METTL21C: variants seen among roughly 807,000 people sequenced by gnomAD.
METTL21C encodes protein-lysine methyltransferase METTL21C.
Under a neutral mutation model 25.9 loss-of-function variants are expected in METTL21C, and 21 were observed. The observed-to-expected ratio is 0.81, with a 90% CI of 0.58 to 1.17. The LOEUF (loss-of-function observed/expected upper bound fraction) is 1.17. Among genes scored for constraint, METTL21C ranks in the 50% most tolerant of loss-of-function variants. The pLI is 0.00. For missense variants in METTL21C, 312 were observed against 315.1 expected (o/e 0.99, Z 0.07); for synonymous variants, 125 against 124.7 (o/e 1.00, Z -0.01).
intron 1 of METTL21C, among the ~76,000 whole-genome samples, chr13:102,692,483 A>G (rs752989804): frequency 3.9e-5 from 6 of 152,156 alleles, no homozygotes; most frequent in Non-Finnish European, 8.8e-5. Flanking sequence ...CGGAGCTTGT[A>G]TTTTATATGT....
chr13:102,687,179 A>G (rs1885698343), intron 2 of METTL21C, 122 bp from the exon 3 acceptor site: 2 of 713,694 alleles, frequency 2.8e-6, no homozygotes, highest in Admixed American at 2.2e-5. Context: ...GTTTATATTC[A>G]TAAGAACCCA....
chr13:102,686,642 T>G (rs1165074628), intron 3 of METTL21C, among the ~76,000 whole-genome samples: 1 of 152,188 alleles, frequency 6.6e-6, no homozygotes, highest in Non-Finnish European at 1.5e-5. Flanking sequence ...TCCAACCACC[T>G]GATGTCAGTA....
In METTL21C at chr13:102,692,023, G is replaced by C. The variant is rs147971242; in HGVS notation, c.131-1059C>G. Among the ~76,000 whole-genome samples the C allele has an allele frequency of 5.3e-5, 8 of 152,262 alleles. No individual in the cohort carries two copies. In the East Asian group the frequency reaches 1.4e-3, roughly 26 times the overall value. On this transcript the variant is annotated intron_variant, in intron 1 of 3. Coordinates refer to ENST00000267273, the MANE Select transcript of METTL21C (RefSeq NM_001010977.3). ...GAAAAGGTGTTGGTCCCAGCGGGTG[G>C]GAAAGAATTAACAGTGCGGAGAGTA...
intron 1 of METTL21C, among the ~76,000 whole-genome samples, chr13:102,692,586 A>G (rs1885858883): frequency 6.6e-6 from 1 of 152,222 alleles, no homozygotes; most frequent in Non-Finnish European, 1.5e-5. Context: ...AAAAATGTGA[A>G]TGAAGTGACT....
At chr13:102,696,635 G>A (rs1253014208), upstream of METTL21C, among the ~76,000 whole-genome samples, 2 of 152,100 alleles carry the variant, frequency 1.3e-5, no homozygotes, top group Non-Finnish European at 2.9e-5. Context: ...CTAGACCACG[G>A]TAGATCAAAG....
the METTL21C span, among the ~76,000 whole-genome samples, chr13:102,700,360 G>A: frequency 1.3e-5 from 2 of 152,052 alleles, no homozygotes; most frequent in Non-Finnish European, 2.9e-5. Flanking sequence ...TTAGTTGTTC[G>A]CTTCTATTTT....
intron 1 of METTL21C, among the ~76,000 whole-genome samples, chr13:102,691,169 T>C (rs1033591454): frequency 5.3e-5 from 8 of 152,170 alleles, no homozygotes; most frequent in Non-Finnish European, 1.5e-5. Flanking sequence ...TGTGACAGTT[T>C]TATCAGATGA....
chr13:102,687,994 G>C (rs1885719369), intron 2 of METTL21C, among the ~76,000 whole-genome samples: 1 of 152,162 alleles, frequency 6.6e-6, no homozygotes, highest in African/African-American at 2.4e-5. Context: ...TGATTGGAGA[G>C]ATTAGGAAGA....
the METTL21C span, among the ~76,000 whole-genome samples, chr13:102,702,854 G>T: frequency 1.5e-4 from 23 of 152,238 alleles, no homozygotes; most frequent in African/African-American, 5.3e-4. Context: ...GCCTCCCAAA[G>T]TGCTAGGATT....
upstream of METTL21C, among the ~76,000 whole-genome samples, chr13:102,697,843 A>T (rs182753770): frequency 4.6e-5 from 7 of 152,320 alleles, no homozygotes; most frequent in East Asian, 1.4e-3. Context: ...CAAGACCAGC[A>T]ACAGGAGCAG....
At chr13:102,696,182 T>C (rs575158432), upstream of METTL21C, among the ~76,000 whole-genome samples, 1 of 152,066 alleles carries the variant, frequency 6.6e-6, no homozygotes, top group Non-Finnish European at 1.5e-5. Context: ...CTATTAAGAG[T>C]TCCTTTTTAG....
chr13:102,690,242 G>A (rs1410245129), intron 2 of METTL21C, among the ~76,000 whole-genome samples: 1 of 152,082 alleles, frequency 6.6e-6, no homozygotes, highest in Non-Finnish European at 1.5e-5. Context: ...CCAATATGGT[G>A]AAACCCTATC....
upstream of METTL21C, among the ~76,000 whole-genome samples, chr13:102,695,283 A>G (rs921840972): frequency 1.3e-5 from 2 of 152,174 alleles, no homozygotes; most frequent in African/African-American, 4.8e-5. Context: ...TCAAAGGCTT[A>G]ACGTTGAATC....
the METTL21C span, among the ~76,000 whole-genome samples, chr13:102,702,866 C>T: frequency 6.6e-6 from 1 of 152,196 alleles, no homozygotes; most frequent in African/African-American, 2.4e-5. Context: ...GCTAGGATTA[C>T]AGCCGTGAGC....
chr13:102,697,253 C>G (rs937831737), upstream of METTL21C, among the ~76,000 whole-genome samples: 1 of 152,138 alleles, frequency 6.6e-6, no homozygotes, highest in African/African-American at 2.4e-5. Context: ...CCTATGAAAT[C>G]TGGCTCTCTT....
chr13:102,688,759 G>A (rs549631291), intron 2 of METTL21C, among the ~76,000 whole-genome samples: 4 of 152,356 alleles, frequency 2.6e-5, no homozygotes, highest in Admixed American at 6.5e-5. Flanking sequence ...GGAGATGGCT[G>A]CAGGGGTCCT....
chr13:102,689,463 C>T (rs1885771386), intron 2 of METTL21C, among the ~76,000 whole-genome samples: 1 of 152,214 alleles, frequency 6.6e-6, no homozygotes, highest in South Asian at 2.1e-4. Flanking sequence ...ACCCTTCTCC[C>T]CATCCTGTGC....
upstream of METTL21C, among the ~76,000 whole-genome samples, chr13:102,698,907 A>T (rs1363410724): frequency 6.6e-6 from 1 of 152,222 alleles, no homozygotes; most frequent in Non-Finnish European, 1.5e-5. Flanking sequence ...TATCAGCAGC[A>T]GGAGTTCATG....
At chr13:102,697,246 A>G (rs552656403), upstream of METTL21C, among the ~76,000 whole-genome samples, 1 of 152,104 alleles carries the variant, frequency 6.6e-6, no homozygotes, top group East Asian at 1.9e-4. Context: ...CTTTTTTCCT[A>G]TGAAATCTGG....
Sources: allele counts gnomAD v4.1 joint callset (sites outside exome capture counted in the v4.1 genomes callset), GRCh38; gene constraint gnomAD v4.1.1; transcripts MANE v1.5; gene names NCBI Gene and HGNC (gene_info 2026-07-23, HGNC 2026-07-21).